Variants in ARHGAP21 observed in about 807,000 individuals in gnomAD.
ARHGAP21 encodes the protein Rho GTPase activating protein 21, also known as rho GTPase-activating protein 21.
A neutral mutation model predicts 164.6 loss-of-function variants in ARHGAP21; 38 were observed. The ratio of observed to expected loss-of-function variants is 0.23; its 90% CI spans 0.18 to 0.30. The LOEUF is 0.30. Among genes scored for constraint, ARHGAP21 ranks in the 10% least tolerant of loss-of-function variants. The pLI is 1.00. For missense variants in ARHGAP21, 1,822 were observed against 2,370.7 expected (o/e 0.77, Z 4.81); for synonymous variants, 766 against 857.9 (o/e 0.89, Z 1.87).
intron 2 of ARHGAP21, among the ~76,000 whole-genome samples, chr10:24,683,832 T>C (rs1346331875): frequency 1.3e-5 from 2 of 152,230 alleles, no homozygotes; most frequent in Non-Finnish European, 2.9e-5. Flanking sequence ...GTTTCAATTG[T>C]ACTCCTCAGT....
At chr10:24,591,754 A>G (rs1277826334) in intron 22 of ARHGAP21, 71 bp from the exon 23 acceptor site, 3 of 1,601,280 alleles carry the variant, frequency 1.9e-6, no homozygotes, top group Non-Finnish European at 2.6e-6. Flanking sequence ...GGAGGATAGT[A>G]TAGAAAAAGG....
At position 24,620,264 on chromosome 10, in the gene ARHGAP21, G is replaced by C. The variant is rs763661754; in HGVS notation, c.1631C>G (p.Pro544Arg). 1.2e-6 allele frequency: 2 copies of C among 1,613,756 alleles called. No individual in the cohort carries two copies. The highest frequency in any genetic ancestry group is 1.7e-6 in the Non-Finnish European group (2 of 1,179,872). ...QDDRRGICER[P>R]RQQEIHKSFR... is the part of the protein sequence containing the mutation. ...AGATTTATGAATTTCTTGCTGCCTAGGTCTTTCACAAATACCTCGTCTATC... is the reference window on the plus strand; with the variant it reads ...AGATTTATGAATTTCTTGCTGCCTACGTCTTTCACAAATACCTCGTCTATC... Residue 544 changes from proline (P) to arginine (R), a missense_variant, in exon 9 of 26, where the codon CCT (proline) becomes CGT (arginine). Pro to Arg is a moderately radical substitution (Grantham distance 103, BLOSUM62 -2). Coordinates refer to ENST00000396432, the MANE Select transcript of ARHGAP21 (RefSeq NM_020824.4).
chr10:24,601,045 T>A (rs2130901332), intron 13 of ARHGAP21, 115 bp from the exon 14 acceptor site: 1 of 1,262,668 alleles, frequency 7.9e-7, no homozygotes, highest in African/African-American at 1.5e-5. Context: ...GTGTAGCAGG[T>A]GGCAGATTTA....
At chr10:24,709,870 C>T (rs1046441524) in intron 2 of ARHGAP21, among the ~76,000 whole-genome samples, 4 of 152,106 alleles carry the variant, frequency 2.6e-5, no homozygotes, top group African/African-American at 9.7e-5. Context: ...CTGAATCCAA[C>T]CGTACTGCAA....
intron 2 of ARHGAP21, among the ~76,000 whole-genome samples, chr10:24,677,409 T>C (rs370100657): frequency 1.1e-4 from 17 of 152,090 alleles, no homozygotes; most frequent in African/African-American, 4.1e-4. Context: ...TAGCAATCAA[T>C]AGTGTAAGTA....
Position 24,670,201 on chromosome 10 carries a change from G to A in ARHGAP21, c.243+17C>T. ...CTTGTGGTTTTTTTTTCAAGTTGCGGTAACTATTTCTCTTACCTTATATGA... is the reference window on the plus strand; with the variant it reads ...CTTGTGGTTTTTTTTTCAAGTTGCGATAACTATTTCTCTTACCTTATATGA... On this transcript the variant is annotated intron_variant, in intron 3 of 25. Transcript: ENST00000396432. The A allele has an allele frequency of 1.3e-6, 2 of 1,525,890 alleles. No homozygotes were observed. Among genetic ancestry groups the A allele is most frequent in the Admixed American group, 1.9e-5 (1 of 52,956 alleles). The allele number at this position is 1,525,890 out of a possible 1,614,324, so 94.5% of individuals were successfully genotyped here. A position where few individuals can be genotyped will look rare whatever the true frequency, so the allele number is the denominator to read the frequency against.
At chr10:24,602,975 G>A (rs2076875501) in intron 12 of ARHGAP21, among the ~76,000 whole-genome samples, 1 of 152,130 alleles carries the variant, frequency 6.6e-6, no homozygotes, top group Admixed American at 6.5e-5. Flanking sequence ...AAGGGATAAG[G>A]AAGTCTGGGG....
At chr10:24,649,778 A>C (rs866233597) in intron 4 of ARHGAP21, among the ~76,000 whole-genome samples, 30 of 152,158 alleles carry the variant, frequency 2.0e-4, no homozygotes, top group African/African-American at 6.5e-4. Flanking sequence ...AAAACAAACA[A>C]GAGAAACAGA....
Position 24,722,015 on chromosome 10 carries a change from C to G in ARHGAP21, c.-116G>C, listed in dbSNP as rs1378852233. 7.1e-6 allele frequency: 8 copies of G among 1,124,874 alleles called. No individual in the cohort carries two copies. The highest frequency in any genetic ancestry group is 1.1e-5 in the Non-Finnish European group (8 of 756,764). 69.7% of individuals were successfully genotyped at this position (1,124,874 alleles called of 1,614,324 possible). A position where few individuals can be genotyped will look rare whatever the true frequency, so the allele number is the denominator to read the frequency against. On this transcript the variant is annotated 5_prime_UTR_variant, in exon 2 of 26. Coordinates refer to ENST00000396432, the MANE Select transcript of ARHGAP21 (RefSeq NM_020824.4). Reference sequence around the variant, plus strand: ...TCCACAAGCAGGCTCCGAGGAGGGGCAGGGCTGTTGAAACAGACAACGTGC... The same window carrying G: ...TCCACAAGCAGGCTCCGAGGAGGGGGAGGGCTGTTGAAACAGACAACGTGC...
At chr10:24,618,275 C>A (rs1158975121) in intron 9 of ARHGAP21, among the ~76,000 whole-genome samples, 1 of 152,094 alleles carries the variant, frequency 6.6e-6, no homozygotes, top group Non-Finnish European at 1.5e-5. Flanking sequence ...TGAGTGAATT[C>A]TTTATGTGCC....
At chr10:24,600,198 T>C (rs1447400298) in intron 14 of ARHGAP21, among the ~76,000 whole-genome samples, 4 of 150,978 alleles carry the variant, frequency 2.6e-5, no homozygotes, top group Non-Finnish European at 5.9e-5. Context: ...AAACTAACTA[T>C]TGTGTGACAG....
intron 2 of ARHGAP21, among the ~76,000 whole-genome samples, chr10:24,717,231 G>A (rs1845473513): frequency 6.6e-6 from 1 of 152,192 alleles, no homozygotes; most frequent in Non-Finnish European, 1.5e-5. Flanking sequence ...GAGGAAGGAA[G>A]ATAATCAAGA....
intron 2 of ARHGAP21, among the ~76,000 whole-genome samples, chr10:24,688,720 T>C (rs1271919652): frequency 6.6e-6 from 1 of 152,190 alleles, no homozygotes; most frequent in African/African-American, 2.4e-5. Flanking sequence ...TTGACTGTCA[T>C]AGTCTGCTAT....
At chr10:24,612,336 T>A (rs781147153) in intron 9 of ARHGAP21, among the ~76,000 whole-genome samples, 7 of 152,196 alleles carry the variant, frequency 4.6e-5, no homozygotes, top group Non-Finnish European at 8.8e-5. Context: ...GGTAAATTTG[T>A]ATAAGTTGAA....
rs144730598 is a variant in ARHGAP21 at position 24,605,417 on chromosome 10, T to C, written c.2685-1069A>G. 4.6e-5 allele frequency among the ~76,000 whole-genome samples: 7 copies of C among 152,252 alleles called. No homozygotes were observed. In the East Asian group the frequency reaches 1.4e-3, roughly 29 times the overall value. ...AGTGTGTAGTTGGTGTAGGGTGCAG[T>C]AGACTCTGAAATAACGGCAGTTTTT... is the stretch of plus-strand genomic sequence containing the variant. On this transcript the variant is annotated intron_variant, in intron 11 of 25. Transcript: ENST00000396432.
intron 4 of ARHGAP21, among the ~76,000 whole-genome samples, chr10:24,655,220 C>A (rs1446402219): frequency 6.6e-6 from 1 of 152,176 alleles, no homozygotes; most frequent in Admixed American, 6.5e-5. Flanking sequence ...GCAAGGACTT[C>A]GTGTCTAAAA....
At chr10:24,639,600 T>C (rs959072707) in intron 4 of ARHGAP21, among the ~76,000 whole-genome samples, 19 of 152,058 alleles carry the variant, frequency 1.2e-4, no homozygotes, top group African/African-American at 4.6e-4. Context: ...CAAATTCAAC[T>C]GTCATATTAT....
intron 14 of ARHGAP21, among the ~76,000 whole-genome samples, chr10:24,599,494 T>C (rs1272196915): frequency 2.0e-5 from 3 of 152,194 alleles, no homozygotes; most frequent in African/African-American, 7.2e-5. Flanking sequence ...TGGTGTAACG[T>C]TTTAATACTT....
At chr10:24,610,917 A>G (rs1468568213) in intron 9 of ARHGAP21, among the ~76,000 whole-genome samples, 1 of 152,264 alleles carries the variant, frequency 6.6e-6, no homozygotes, top group Admixed American at 6.5e-5. Context: ...AATGTAAAAA[A>G]TACTGGTAAA....
Sources: gnomAD v4.1 joint callset for allele counts (sites outside exome capture counted in the v4.1 genomes callset) on GRCh38, gnomAD v4.1.1 for gene constraint, MANE v1.5 for transcripts, NCBI Gene and HGNC (gene_info 2026-07-23, HGNC 2026-07-21) for gene names.